The following PRELID2 variants were observed in gnomAD, a reference collection of about 807,000 sequenced individuals.
The protein encoded by PRELID2 is PRELI domain-containing protein 2.
A neutral mutation model predicts 28.4 loss-of-function variants in PRELID2; 25 were observed. That is an observed-to-expected ratio of 0.88 (90% CI 0.64 to 1.23). PRELID2 has a LOEUF of 1.23. Ranked by LOEUF, PRELID2 falls within the 50% of genes most tolerant of loss-of-function variation. The probability of loss-of-function intolerance (pLI) is 0.00; values close to 1 mark genes in which losing one functional copy is unlikely to be tolerated. For synonymous variants in PRELID2, 76 were observed against 71.6 expected (o/e 1.06, Z -0.31); for missense variants, 201 against 214.4 (o/e 0.94, Z 0.39).
In PRELID2 at chr5:145,834,670, CTA is replaced by C. The variant is rs568898049; in HGVS notation, c.75+505_75+506del. The C allele has an allele frequency of 2.3e-3, 354 of 152,606 alleles. 2 individuals carry two copies. Among genetic ancestry groups the C allele is most frequent in the South Asian group, 5.2e-3 (25 of 4,830 alleles). The allele number at this position is 152,606 out of a possible 1,614,324, so 9.5% of individuals were successfully genotyped here. On this transcript the variant is annotated intron_variant, in intron 1 of 6. Transcript: ENST00000683046. The stretch of plus-strand genomic sequence containing the variant: ...CCTCATTTGGATCCTCACAACAACT[CTA>C]TGAGTCGGTACTATTATTTTCCCCA...
chr5:145,695,322 C>T (rs1755236286), intron 1 of PRELID2, among the ~76,000 whole-genome samples: 1 of 152,080 alleles, frequency 6.6e-6, no homozygotes, highest in Non-Finnish European at 1.5e-5. Context: ...GCGCAAAAGC[C>T]CTGAGGCAGA....
chr5:145,784,708 G>A (rs1751872360), intron 5 of PRELID2, among the ~76,000 whole-genome samples: 1 of 150,684 alleles, frequency 6.6e-6, no homozygotes, highest in Admixed American at 6.6e-5. Context: ...TGTTTCCAAG[G>A]AATATGTAAT....
the PRELID2 span, among the ~76,000 whole-genome samples, chr5:145,425,691 G>T: frequency 6.6e-6 from 1 of 152,004 alleles, no homozygotes; most frequent in Non-Finnish European, 1.5e-5. Flanking sequence ...CACTTATAAG[G>T]GGGAGCTGAA....
chr5:145,764,270 G>C (rs1370584083), intron 6 of PRELID2, among the ~76,000 whole-genome samples: 1 of 152,184 alleles, frequency 6.6e-6, no homozygotes, highest in Non-Finnish European at 1.5e-5. Flanking sequence ...GTAGGGAGTT[G>C]AGTAGTTCTG....
chr5:145,681,155 A>G (rs974762552), intron 1 of PRELID2, among the ~76,000 whole-genome samples: 3 of 152,182 alleles, frequency 2.0e-5, no homozygotes, highest in Non-Finnish European at 2.9e-5. Context: ...AATGCTATCC[A>G]GGGGCCACTT....
chr5:145,369,369 T>A, the PRELID2 span, among the ~76,000 whole-genome samples: 17 of 152,058 alleles, frequency 1.1e-4, no homozygotes, highest in East Asian at 3.3e-3. Context: ...TGAGACCATG[T>A]GGTGTTTGGT....
At chr5:145,237,413 T>A in the PRELID2 span, among the ~76,000 whole-genome samples, 7 of 151,910 alleles carry the variant, frequency 4.6e-5, no homozygotes, top group Admixed American at 1.3e-4. Flanking sequence ...TGAGCTTTCA[T>A]ACATGTGTCA....
the PRELID2 span, among the ~76,000 whole-genome samples, chr5:145,407,322 G>A: frequency 2.6e-5 from 4 of 152,086 alleles, no homozygotes; most frequent in East Asian, 7.7e-4. Flanking sequence ...TCTGGATAAG[G>A]CCTGTCACTT....
At chr5:145,262,388 G>A in the PRELID2 span, among the ~76,000 whole-genome samples, 1 of 151,916 alleles carries the variant, frequency 6.6e-6, no homozygotes, top group African/African-American at 2.4e-5. Flanking sequence ...TAGTCATCAG[G>A]TTATCTAAAG....
At chr5:145,345,288 C>T in the PRELID2 span, among the ~76,000 whole-genome samples, 12 of 151,956 alleles carry the variant, frequency 7.9e-5, no homozygotes, top group Non-Finnish European at 1.2e-4. Context: ...TCTTCAAGCT[C>T]AAGAAAGTAG....
chr5:145,722,919 G>C (rs1756032570), intron 1 of PRELID2, among the ~76,000 whole-genome samples: 1 of 152,042 alleles, frequency 6.6e-6, no homozygotes, highest in Admixed American at 6.6e-5. Context: ...CCCCCAAAAA[G>C]GTACCAGGAG....
At chr5:145,295,442 G>A in the PRELID2 span, among the ~76,000 whole-genome samples, 1 of 152,092 alleles carries the variant, frequency 6.6e-6, no homozygotes, top group Non-Finnish European at 1.5e-5. Context: ...TGACTCATTG[G>A]AAAGTGGTGG....
chr5:145,238,185 C>T, the PRELID2 span, among the ~76,000 whole-genome samples: 4 of 152,096 alleles, frequency 2.6e-5, no homozygotes, highest in Admixed American at 6.6e-5. Flanking sequence ...AGAAAGAGGA[C>T]AGAAGAGAAG....
intron 1 of PRELID2, among the ~76,000 whole-genome samples, chr5:145,479,214 C>T (rs1347584210): frequency 1.3e-5 from 2 of 152,130 alleles, no homozygotes; most frequent in Non-Finnish European, 2.9e-5. Context: ...CCCCAGATCC[C>T]AAATCAGAGA....
intron 1 of PRELID2, among the ~76,000 whole-genome samples, chr5:145,603,677 AAAT>A (rs1392438935): frequency 1.3e-5 from 2 of 152,176 alleles, no homozygotes; most frequent in Non-Finnish European, 2.9e-5. Context: ...TGACTTTTAA[AAAT>A]AATAATAATA....
chr5:145,491,352 A>G (rs1580956865), intron 1 of PRELID2, among the ~76,000 whole-genome samples: 2 of 152,224 alleles, frequency 1.3e-5, no homozygotes, highest in South Asian at 2.1e-4. Flanking sequence ...CACTAGTCCC[A>G]GTCAGGAGGG....
intron 1 of PRELID2, among the ~76,000 whole-genome samples, chr5:145,523,797 C>T (rs1347636996): frequency 6.6e-6 from 1 of 152,126 alleles, no homozygotes; most frequent in Admixed American, 6.6e-5. Context: ...TAGGAGGTGT[C>T]ACTGTATATT....
intron 1 of PRELID2, among the ~76,000 whole-genome samples, chr5:145,722,505 A>ATTT (rs79337075): frequency 0.024 from 3,597 of 150,400 alleles, 134 homozygotes; most frequent in African/African-American, 0.083. Context: ...CAAATTAATA[A>ATTT]TTTTTTTTTG....
At chr5:145,820,479 C>T (rs747445880) in intron 2 of PRELID2, among the ~76,000 whole-genome samples, 1 of 152,150 alleles carries the variant, frequency 6.6e-6, no homozygotes, top group Admixed American at 6.5e-5. Context: ...GGGACTCCTG[C>T]TCAACTCCAA....
Sources: allele counts gnomAD v4.1 joint callset (sites outside exome capture counted in the v4.1 genomes callset), GRCh38; gene constraint gnomAD v4.1.1; transcripts MANE v1.5; gene names NCBI Gene and HGNC (gene_info 2026-07-23, HGNC 2026-07-21).